CD160: variants seen among roughly 807,000 people sequenced by gnomAD.
CD160 encodes the protein CD160 molecule.
Under a neutral mutation model 19.2 loss-of-function variants are expected in CD160, and 11 were observed. That is an observed-to-expected ratio of 0.57 (90% CI 0.36 to 0.95). The LOEUF (loss-of-function observed/expected upper bound fraction) is 0.95. CD160 is among the 40% of genes least tolerant of loss of function. The pLI is 0.01. For missense variants in CD160, 182 were observed against 213.2 expected (o/e 0.85, Z 0.91); for synonymous variants, 75 against 81.1 (o/e 0.93, Z 0.40).
At chr1:145,725,856 G>A (rs1395874176) in intron 2 of CD160, among the ~76,000 whole-genome samples, 10 of 151,976 alleles carry the variant, frequency 6.6e-5, no homozygotes, top group Admixed American at 5.2e-4. Flanking sequence ...ATATAAAATA[G>A]AAAAGGAAGT....
rs587744775 is a variant in CD160 at position 145,723,422 on chromosome 1, T to A, written c.-178-1379T>A. ...TGACTAATAATTATATCCAGGAAAA[T>A]TTTTAATCTTATGTATTAATAAGTA... On this transcript the variant is annotated intron_variant, in intron 1 of 5. Transcript: ENST00000369288. Among the ~76,000 whole-genome samples the A allele has an allele frequency of 7.9e-5, 12 of 152,294 alleles. No homozygotes were observed. In the East Asian group the frequency reaches 1.9e-3, roughly 24 times the overall value.
intron 5 of CD160, chr1:145,737,994 G>A (rs1307263469): frequency 3.3e-5 from 5 of 152,288 alleles, no homozygotes; most frequent in South Asian, 2.1e-4. Context: ...ATTGAAAGAG[G>A]TAGTATTCAG....
intron 5 of CD160, 23 bp from the exon 6 acceptor site, chr1:145,738,463 T>C (rs782161618): frequency 7.6e-7 from 1 of 1,319,496 alleles, no homozygotes; most frequent in South Asian, 2.9e-5. Context: ...TATAAGGCAG[T>C]AATACAAACT....
chr1:145,737,615 T>C (rs982267290), intron 5 of CD160: 1 of 152,166 alleles, frequency 6.6e-6, no homozygotes, highest in African/African-American at 2.4e-5. Flanking sequence ...TTTTGTTGAC[T>C]TTAAATTCCC....
Position 145,730,780 on chromosome 1 carries a change from G to A in CD160, c.110G>A (p.Gly37Glu). ...ATCACCAGCTCAGCTTCCCAGGAAG[G>A]AACGCGACTAAACTTAATCTGTACT... ...INITSSASQE[G>E]TRLNLICTVW... The change falls in exon 4 of 6, where the codon GGA (glycine) becomes GAA (glutamate). Residue 37 changes from glycine to glutamate, a missense_variant. Transcript: ENST00000369288. 1 of 1,613,812 alleles carries A rather than the reference G, an allele frequency of 6.2e-7. No homozygotes were observed. Among genetic ancestry groups the A allele is most frequent in the Non-Finnish European group, 8.5e-7 (1 of 1,180,026 alleles).
chr1:145,737,529 A>C (rs1451729832), intron 5 of CD160: 1 of 152,234 alleles, frequency 6.6e-6, no homozygotes, highest in Non-Finnish European at 1.5e-5. Flanking sequence ...CTTGGTAAGG[A>C]TCTTCCAAAT....
chr1:145,721,306 G>A (rs1656837550), intron 1 of CD160, among the ~76,000 whole-genome samples: 1 of 152,170 alleles, frequency 6.6e-6, no homozygotes, highest in Non-Finnish European at 1.5e-5. Context: ...GGGGTCACTC[G>A]GCTTTGGCTG....
At position 145,730,797 on chromosome 1, in the gene CD160, A is replaced by T; in HGVS notation, c.127A>T (p.Ile43Phe). Residue 43 changes from isoleucine (I) to phenylalanine (F), a missense_variant, in exon 4 of 6, where the codon ATC becomes TTC. Coordinates refer to ENST00000369288, the MANE Select transcript of CD160 (RefSeq NM_007053.4). ...CCAGGAAGGAACGCGACTAAACTTA[A>T]TCTGTACTGTATGGCATAAGAAAGA... The part of the protein sequence containing the change: ...ASQEGTRLNL[I>F]CTVWHKKEEA... 1.9e-6 allele frequency: 3 copies of T among 1,614,146 alleles called. No individual in the cohort carries two copies. Among genetic ancestry groups the T allele is most frequent in the Non-Finnish European group, 2.5e-6 (3 of 1,180,032 alleles).
chr1:145,738,571 A>G lies in CD160; in HGVS notation c.*78A>G. 1.1e-6 allele frequency: 1 copy of G among 926,012 alleles called. No individual in the cohort carries two copies. The highest frequency in any genetic ancestry group is 1.5e-6 in the Non-Finnish European group (1 of 668,760). 57.4% of individuals were successfully genotyped at this position (926,012 alleles called of 1,614,324 possible). ...ATGGCTTAGTATCTTTCTCATTACAATAGGCACAGAGAAGAATGCAACAGG... is the reference window on the plus strand; with the variant it reads ...ATGGCTTAGTATCTTTCTCATTACAGTAGGCACAGAGAAGAATGCAACAGG... On this transcript the variant is annotated 3_prime_UTR_variant, in exon 6 of 6. Transcript: ENST00000369288.
intron 4 of CD160, among the ~76,000 whole-genome samples, chr1:145,731,930 A>G (rs1553709443): frequency 6.6e-6 from 1 of 152,176 alleles, no homozygotes; most frequent in Non-Finnish European, 1.5e-5. Flanking sequence ...CAGAAACTAG[A>G]AAGGGGACAG....
At chr1:145,732,804 A>T (rs1247799395) in intron 4 of CD160, among the ~76,000 whole-genome samples, 1 of 152,240 alleles carries the variant, frequency 6.6e-6, no homozygotes, top group African/African-American at 2.4e-5. Context: ...TTATGTAAAC[A>T]TGACTAATTT....
At chr1:145,737,333 C>T (rs1449848273) in intron 5 of CD160, 1 of 152,008 alleles carries the variant, frequency 6.6e-6, no homozygotes, top group Non-Finnish European at 1.5e-5. Flanking sequence ...AAACCTTACA[C>T]TCAGTAATGA....
At chr1:145,729,104 G>C (rs1657179148) in intron 3 of CD160, among the ~76,000 whole-genome samples, 1 of 152,106 alleles carries the variant, frequency 6.6e-6, no homozygotes, top group African/African-American at 2.4e-5. Flanking sequence ...CTCTAACAGA[G>C]ACCCTATAGA....
intron 3 of CD160, among the ~76,000 whole-genome samples, chr1:145,729,182 G>T (rs1477947357): frequency 6.6e-6 from 1 of 152,172 alleles, no homozygotes; most frequent in Non-Finnish European, 1.5e-5. Context: ...GGGATTGCAG[G>T]TCTCCCTCAG....
At chr1:145,724,046 C>T (rs1452804375) in intron 1 of CD160, among the ~76,000 whole-genome samples, 4 of 152,154 alleles carry the variant, frequency 2.6e-5, no homozygotes, top group Non-Finnish European at 5.9e-5. Flanking sequence ...AGCTCCGTAA[C>T]AATGTATAGT....
chr1:145,734,067 C>T (rs1304347611), intron 4 of CD160, among the ~76,000 whole-genome samples: 1 of 152,166 alleles, frequency 6.6e-6, no homozygotes, highest in African/African-American at 2.4e-5. Flanking sequence ...TCTTAACCCC[C>T]AATTCAGAGA....
intron 1 of CD160, among the ~76,000 whole-genome samples, chr1:145,724,165 T>C (rs139357785): frequency 4.6e-4 from 70 of 152,328 alleles, no homozygotes; most frequent in African/African-American, 1.5e-3. Context: ...AATTCTGAAC[T>C]CTGAATTTTT....
rs1480736717 is a variant in CD160 at position 145,735,870 on chromosome 1, T to C, written c.401-127T>C. On this transcript the variant is annotated intron_variant, in intron 4 of 5. Transcript: ENST00000369288. ...TTACCCACAATGTTAAAAATACTTATTTGGGCAACGAATTACAGAGGGAGG... is the reference window on the plus strand; with the variant it reads ...TTACCCACAATGTTAAAAATACTTACTTGGGCAACGAATTACAGAGGGAGG... 4.8e-5 allele frequency: 33 copies of C among 682,264 alleles called. 1 individual carries two copies. Among genetic ancestry groups the C allele is most frequent in the Non-Finnish European group, 6.1e-5 (24 of 394,764 alleles). 42.3% of individuals were successfully genotyped at this position (682,264 alleles called of 1,614,324 possible).
At chr1:145,727,653 T>TA (rs1296245513) in intron 2 of CD160, among the ~76,000 whole-genome samples, 1 of 152,066 alleles carries the variant, frequency 6.6e-6, no homozygotes, top group Non-Finnish European at 1.5e-5. Flanking sequence ...AGTATTTGCC[T>TA]AAAAAAATGG....
Sources: gnomAD v4.1 joint callset for allele counts (sites outside exome capture counted in the v4.1 genomes callset) on GRCh38, gnomAD v4.1.1 for gene constraint, MANE v1.5 for transcripts, NCBI Gene and HGNC (gene_info 2026-07-23, HGNC 2026-07-21) for gene names.